The following DSG1 variants were observed in gnomAD, a reference collection of about 807,000 sequenced individuals.
DSG1 encodes the protein desmoglein 1.
Under a neutral mutation model 97.5 loss-of-function variants are expected in DSG1, and 39 were observed. That is an observed-to-expected ratio of 0.40 (90% CI 0.31 to 0.52). The LOEUF (loss-of-function observed/expected upper bound fraction) is 0.52. DSG1 is among the 20% of genes least tolerant of loss of function. The pLI is 0.53. For missense variants in DSG1, 1,311 were observed against 1,295.4 expected (o/e 1.01, Z -0.18); for synonymous variants, 475 against 443.4 (o/e 1.07, Z -0.90).
chr18:31,353,078 G>A (rs1250408128), intron 14 of DSG1, among the ~76,000 whole-genome samples: 9 of 145,068 alleles, frequency 6.2e-5, no homozygotes, highest in Non-Finnish European at 1.4e-4. Flanking sequence ...TTTCTGTTCT[G>A]TTTTTTCCCC....
chr18:31,342,898 A>ATTT lies in DSG1; in HGVS notation c.1688-535_1688-533dup, dbSNP rs57090132. Among the ~76,000 whole-genome samples the ATTT allele has an allele frequency of 1.8e-3, 151 of 82,820 alleles. 5 individuals carry two copies. Among genetic ancestry groups the ATTT allele is most frequent in the African/African-American group, 4.8e-3 (144 of 30,310 alleles). 54.3% of individuals were successfully genotyped at this position (82,820 alleles called of 152,430 possible). A position where few individuals can be genotyped will look rare whatever the true frequency, so the allele number is the denominator to read the frequency against. On this transcript the variant is annotated intron_variant, in intron 11 of 14. Transcript: ENST00000257192. ...TTTTAATAATGTAATACTATCTGTG[A>ATTT]TTTTTTTTTTTTTTTTTTTGAGAGA...
chr18:31,337,326 G>A lies in DSG1; in HGVS notation c.1265+713G>A, dbSNP rs563162291. ...GGCTGGAGTGCAGTGGCACGATCCCGGTTCACTGCCACCTCTGCCTCCCGG... is the reference window on the plus strand; with the variant it reads ...GGCTGGAGTGCAGTGGCACGATCCCAGTTCACTGCCACCTCTGCCTCCCGG... On this transcript the variant is annotated intron_variant, in intron 9 of 14. Coordinates refer to ENST00000257192, the MANE Select transcript of DSG1 (RefSeq NM_001942.4). Among the ~76,000 whole-genome samples the A allele has an allele frequency of 2.2e-4, 33 of 152,102 alleles. No individual in the cohort carries two copies. The East Asian group carries it at 2.9e-3, about 13-fold the overall frequency.
chr18:31,341,544 C>G (rs577107244), intron 11 of DSG1, among the ~76,000 whole-genome samples: 2 of 151,978 alleles, frequency 1.3e-5, no homozygotes, highest in Non-Finnish European at 2.9e-5. Context: ...AAATTTAAAA[C>G]GTATTTCCAA....
chr18:31,318,178 G>C lies in DSG1; in HGVS notation c.-123G>C. 1.1e-6 allele frequency: 1 copy of C among 877,996 alleles called. No individual in the cohort carries two copies. Among genetic ancestry groups the C allele is most frequent in the Non-Finnish European group, 1.9e-6 (1 of 516,482 alleles). The allele number at this position is 877,996 out of a possible 1,614,324, so 54.4% of individuals were successfully genotyped here. Reference sequence around the variant, plus strand: ...GGAAGGCAGAAACACCTCAAAGCCTGCATGTAAGAACATCTACTGAGAAAT... The same window carrying C: ...GGAAGGCAGAAACACCTCAAAGCCTCCATGTAAGAACATCTACTGAGAAAT... On this transcript the variant is annotated 5_prime_UTR_variant, in exon 1 of 15. Coordinates refer to ENST00000257192, the MANE Select transcript of DSG1 (RefSeq NM_001942.4).
intron 14 of DSG1, chr18:31,347,567 A>T (rs1365235156): frequency 6.6e-6 from 1 of 152,266 alleles, no homozygotes; most frequent in African/African-American, 2.4e-5. Context: ...TATGAATGGC[A>T]CAATGAGTTG....
intron 14 of DSG1, among the ~76,000 whole-genome samples, chr18:31,346,733 C>A (rs1189245475): frequency 1.3e-5 from 2 of 152,206 alleles, no homozygotes; most frequent in Non-Finnish European, 2.9e-5. Flanking sequence ...TGTATTTCTG[C>A]AGTACTTTGT....
rs887886039 is a variant in DSG1 at position 31,355,507 on chromosome 18, T to C, written c.*161T>C. 1.4e-6 allele frequency: 1 copy of C among 734,044 alleles called. No individual in the cohort carries two copies. Among genetic ancestry groups the C allele is most frequent in the Non-Finnish European group, 2.3e-6 (1 of 433,140 alleles). 45.5% of individuals were successfully genotyped at this position (734,044 alleles called of 1,614,324 possible). A position where few individuals can be genotyped will look rare whatever the true frequency, so the allele number is the denominator to read the frequency against. ...GAAAAATAAATGGAAACACCACTGCTAGGGGAGAGCTCTCCTTAGCATTCA... is the reference window on the plus strand; with the variant it reads ...GAAAAATAAATGGAAACACCACTGCCAGGGGAGAGCTCTCCTTAGCATTCA... On this transcript the variant is annotated 3_prime_UTR_variant, in exon 15 of 15. Transcript: ENST00000257192.
At position 31,329,944 on chromosome 18, in the gene DSG1, A is replaced by C. The variant is rs775350981; in HGVS notation, c.425A>C (p.Glu142Ala). ...GGCCAAGATTTAGAGAGGCCTCTAGAGCTCAGAGTCAGGGTTTTGGATATA... is the reference window on the plus strand; with the variant it reads ...GGCCAAGATTTAGAGAGGCCTCTAGCGCTCAGAGTCAGGGTTTTGGATATA... ...SMGQDLERPL[E>A]LRVRVLDIND... The change falls in exon 5 of 15, where the codon GAG becomes GCG. Residue 142 changes from glutamate (E) to alanine (A), a missense_variant. Physicochemically the swap from Glu to Ala is moderately radical, Grantham distance 107. Coordinates refer to ENST00000257192, the MANE Select transcript of DSG1 (RefSeq NM_001942.4). 34 of 1,613,236 alleles carry C rather than the reference A, an allele frequency of 2.1e-5. No homozygotes were observed. The highest frequency in any genetic ancestry group is 2.7e-5 in the Non-Finnish European group (32 of 1,179,422).
intron 11 of DSG1, 136 bp downstream of exon 11, chr18:31,340,161 G>T (rs1046649313): frequency 2.1e-6 from 2 of 955,362 alleles, no homozygotes; most frequent in South Asian, 1.6e-5. Flanking sequence ...TCTGTGTTTG[G>T]CACTGGGTTT....
At chr18:31,347,013 C>T (rs551013932) in intron 14 of DSG1, among the ~76,000 whole-genome samples, 1 of 152,234 alleles carries the variant, frequency 6.6e-6, no homozygotes, top group South Asian at 2.1e-4. Flanking sequence ...GGAAGAGATG[C>T]AATTGTCCAT....
rs137983671 is a variant in DSG1 at position 31,343,476 on chromosome 18, G to A, written c.1714G>A (p.Asp572Asn). The change falls in exon 12 of 15, where the codon GAT (aspartate) becomes AAT (asparagine). Residue 572 changes from aspartate to asparagine, a missense_variant. By Grantham distance (23) the Asp-to-Asn change is conservative. Coordinates refer to ENST00000257192, the MANE Select transcript of DSG1 (RefSeq NM_001942.4). ...GGTCCCATTTTTGATGATCTGTTGT[G>A]ATTGTGGAGGTGCTCCTCGTAGTGC... ...GLVPFLMICC[D>N]CGGAPRSAAG... 1,229 of 1,614,162 alleles carry A rather than the reference G, an allele frequency of 7.6e-4. No homozygotes were observed. Among genetic ancestry groups the A allele is most frequent in the Non-Finnish European group, 9.2e-4 (1,084 of 1,180,028 alleles).
Position 31,324,171 on chromosome 18 carries a change from A to T in DSG1, c.49-2410A>T, listed in dbSNP as rs546012817. On this transcript the variant is annotated intron_variant, in intron 1 of 14. Coordinates refer to ENST00000257192, the MANE Select transcript of DSG1 (RefSeq NM_001942.4). ...GCTAATTTTTGTATTTTTAGTGGAG[A>T]CGGGGTTTCACCATGTTGGCCAGGA... Among the ~76,000 whole-genome samples the T allele has an allele frequency of 1.4e-4, 21 of 151,246 alleles. No homozygotes were observed. In the East Asian group the frequency reaches 3.3e-3, roughly 24 times the overall value.
chr18:31,332,560 CT>C (rs1486371055), intron 6 of DSG1, among the ~76,000 whole-genome samples: 32 of 151,072 alleles, frequency 2.1e-4, no homozygotes, highest in Non-Finnish European at 1.5e-5. Context: ...AAAATAAGTG[CT>C]TTTTCATTAT....
rs756310609 is a variant in DSG1 at position 31,356,684 on chromosome 18, A to G, written c.*1338A>G. The G allele has an allele frequency of 1.3e-5, 2 of 152,090 alleles. No individual in the cohort carries two copies. The highest frequency in any genetic ancestry group is 2.9e-5 in the Non-Finnish European group (2 of 67,988). 9.4% of individuals were successfully genotyped at this position (152,090 alleles called of 1,614,324 possible). On this transcript the variant is annotated 3_prime_UTR_variant, in exon 15 of 15. Transcript: ENST00000257192. ...ATTCTGCTAGTTTATCTCACCCTCT[A>G]ATTTTTCTCACTAGCATAAATTTTA...
Position 31,329,888 on chromosome 18 carries a change from C to A in DSG1, c.373-4C>A, listed in dbSNP as rs1262485475. ...TGTATAATTATTTATCTTTTCTCTC[C>A]CAGATCTACTGCCGAGCTCTGAACT... On this transcript the variant is annotated splice_region_variant and splice_polypyrimidine_tract_variant and intron_variant, in intron 4 of 14. Transcript: ENST00000257192. 2 of 1,612,680 alleles carry A rather than the reference C, an allele frequency of 1.2e-6. No homozygotes were observed. The highest frequency in any genetic ancestry group is 2.7e-5 in the African/African-American group (2 of 74,820).
At chr18:31,321,076 A>G (rs1240023391) in intron 1 of DSG1, among the ~76,000 whole-genome samples, 2 of 151,828 alleles carry the variant, frequency 1.3e-5, no homozygotes, top group Non-Finnish European at 1.5e-5. Flanking sequence ...CCCTCTTTCT[A>G]TGGGTTAATA....
Position 31,355,133 on chromosome 18 carries a change from G to C in DSG1, c.2937G>C (p.Leu979=). The stretch of plus-strand genomic sequence containing the variant: ...GCGGTGGCATAGGCAGCAGTGGCCT[G>C]GTTGGCACCAGCATGGGTGCTGGGA... ...GISGGIGSSG[L]VGTSMGAGSG... is the part of the protein sequence containing the mutation. Residue 979 remains leucine, a synonymous_variant, in exon 15 of 15, where the codon CTG becomes CTC. Transcript: ENST00000257192. 1 of 1,612,714 alleles carries C rather than the reference G, an allele frequency of 6.2e-7. No individual in the cohort carries two copies. Among genetic ancestry groups the C allele is most frequent in the Middle Eastern group, 1.7e-4 (1 of 6,056 alleles).
Position 31,343,988 on chromosome 18 carries a change from C to G in DSG1, c.1884C>G (p.Asp628Glu). 6.2e-7 allele frequency: 1 copy of G among 1,610,760 alleles called. No homozygotes were observed. The highest frequency in any genetic ancestry group is 8.5e-7 in the Non-Finnish European group (1 of 1,177,210). The change falls in exon 13 of 15, where the codon GAC (aspartate) becomes GAG (glutamate). Residue 628 changes from aspartate to glutamate, a missense_variant. Physicochemically the swap from Asp to Glu is conservative, Grantham distance 45. Coordinates refer to ENST00000257192, the MANE Select transcript of DSG1 (RefSeq NM_001942.4). ...PDNANIIECI[D>E]NSGVYTNEYG... ...ACGCAAATATAATTGAATGCATTGA[C>G]AACTCAGGTAAGAAAAAAGAATTTG...
In DSG1 at chr18:31,357,429, A is replaced by G. The variant is rs1694595079; in HGVS notation, c.*2083A>G. Among the ~76,000 whole-genome samples the G allele has an allele frequency of 6.6e-6, 1 of 152,050 alleles. No individual in the cohort carries two copies. Among genetic ancestry groups the G allele is most frequent in the African/African-American group, 2.4e-5 (1 of 41,436 alleles). On this transcript the variant is annotated 3_prime_UTR_variant, in exon 15 of 15. Coordinates refer to ENST00000257192, the MANE Select transcript of DSG1 (RefSeq NM_001942.4). Reference sequence around the variant, plus strand: ...TGGGTCCAGGAGTTTTAAGGAATAGAAATAAGTATTAATGAATTAATTAAG... The same window carrying G: ...TGGGTCCAGGAGTTTTAAGGAATAGGAATAAGTATTAATGAATTAATTAAG...
Sources: gnomAD v4.1 joint callset for allele counts (sites outside exome capture counted in the v4.1 genomes callset) on GRCh38, gnomAD v4.1.1 for gene constraint, MANE v1.5 for transcripts, NCBI Gene and HGNC (gene_info 2026-07-23, HGNC 2026-07-21) for gene names.